Variants in ARFGEF3 observed in about 807,000 individuals in gnomAD.
The protein encoded by ARFGEF3 is ARFGEF family member 3, also known as brefeldin A-inhibited guanine nucleotide-exchange protein 3.
In ARFGEF3, 96 loss-of-function variants were observed where a neutral mutation model predicts 221.7. The observed-to-expected ratio is 0.43, with a 90% CI of 0.37 to 0.51. The LOEUF (loss-of-function observed/expected upper bound fraction) is 0.51, where lower values mean the gene tolerates loss of function less well. Among genes scored for constraint, ARFGEF3 ranks in the 20% least tolerant of loss-of-function variants. ARFGEF3 has a pLI of 0.00. For synonymous variants in ARFGEF3, 1,145 were observed against 1,126.8 expected (o/e 1.02, Z -0.32); for missense variants, 2,410 against 2,789.9 (o/e 0.86, Z 3.07).
chr6:138,277,771 T>C (rs1779124100), intron 12 of ARFGEF3, among the ~76,000 whole-genome samples: 1 of 152,216 alleles, frequency 6.6e-6, no homozygotes, highest in Non-Finnish European at 1.5e-5. Flanking sequence ...TAAACAAGTA[T>C]ATGTTAATAT....
chr6:138,212,589 C>T (rs1256054877), intron 4 of ARFGEF3, among the ~76,000 whole-genome samples: 14 of 152,218 alleles, frequency 9.2e-5, no homozygotes, highest in East Asian at 5.8e-4. Flanking sequence ...ATGTTTATTG[C>T]GGCACTATTC....
chr6:138,306,010 T>C (rs574587131), intron 22 of ARFGEF3, among the ~76,000 whole-genome samples: 3 of 152,224 alleles, frequency 2.0e-5, no homozygotes, highest in African/African-American at 7.2e-5. Flanking sequence ...TATAAAGAAA[T>C]TAAAGACATC....
rs76651861 is a variant in ARFGEF3, at chr6:138,332,436, G to A, written c.5124-1534G>A. On this transcript the variant is annotated intron_variant, in intron 32 of 33. Coordinates refer to ENST00000251691, the MANE Select transcript of ARFGEF3 (RefSeq NM_020340.5). ...ATAAGGTAGTGTCCTGTCCCTTGAG[G>A]ATGTTATAGCTATCAGGGGGACAGA... 6.8e-3 allele frequency among the ~76,000 whole-genome samples: 1,041 copies of A among 152,248 alleles called. 10 individuals carry two copies. Among genetic ancestry groups the A allele is most frequent in the African/African-American group, 0.024 (1,011 of 41,534 alleles).
intron 6 of ARFGEF3, among the ~76,000 whole-genome samples, chr6:138,239,640 ACT>A (rs1169205866): frequency 1.4e-5 from 2 of 146,834 alleles, no homozygotes; most frequent in African/African-American, 2.5e-5. Flanking sequence ...ACTGAGTGAA[ACT>A]CTGTCTCAGG....
rs974542134 is a variant in ARFGEF3, at chr6:138,217,802, G to A, written c.351+7761G>A. ...TAATAATCTATGAGTTCAAGATTGA[G>A]AAAGATCAACATGGGTTTGTATTTT... On this transcript the variant is annotated intron_variant, in intron 4 of 33. Coordinates refer to ENST00000251691, the MANE Select transcript of ARFGEF3 (RefSeq NM_020340.5). 10 of 840,096 alleles carry A rather than the reference G, an allele frequency of 1.2e-5. No homozygotes were observed. The African/African-American group carries it at 1.5e-4, about 13-fold the overall frequency. The allele number at this position is 840,096 out of a possible 1,614,324, so 52.0% of individuals were successfully genotyped here.
chr6:138,294,697 CAAAGT>C (rs1779475721), intron 20 of ARFGEF3, among the ~76,000 whole-genome samples: 1 of 152,180 alleles, frequency 6.6e-6, no homozygotes. Flanking sequence ...TTGTGGAAGA[CAAAGT>C]AGAGTTGTTC....
Position 138,266,359 on chromosome 6 carries a change from G to A in ARFGEF3, c.2128+2748G>A, listed in dbSNP as rs574798239. On this transcript the variant is annotated intron_variant, in intron 12 of 33. Coordinates refer to ENST00000251691, the MANE Select transcript of ARFGEF3 (RefSeq NM_020340.5). ...GGGAAGGCAGAAGGGAAGGGAAAAC[G>A]GAAGGGAAAAGGGAAAGGAGAAGGG... Among the ~76,000 whole-genome samples, 11 of 152,110 alleles carry A rather than the reference G, an allele frequency of 7.2e-5. No individual in the cohort carries two copies. In the East Asian group the frequency reaches 1.2e-3, roughly 16 times the overall value.
chr6:138,187,569 A>G (rs1777212631), intron 2 of ARFGEF3, among the ~76,000 whole-genome samples: 1 of 152,200 alleles, frequency 6.6e-6, no homozygotes, highest in Non-Finnish European at 1.5e-5. Context: ...TATTGGGTCC[A>G]TGTGTGTGCC....
At chr6:138,273,360 G>A (rs1322431286) in intron 12 of ARFGEF3, among the ~76,000 whole-genome samples, 1 of 152,214 alleles carries the variant, frequency 6.6e-6, no homozygotes, top group African/African-American at 2.4e-5. Context: ...TCCCTGGTAA[G>A]CAGTCAAGTA....
At chr6:138,229,584 T>A (rs2114532601) in intron 4 of ARFGEF3, among the ~76,000 whole-genome samples, 200 bp from the exon 5 acceptor site, 1 of 152,316 alleles carries the variant, frequency 6.6e-6, no homozygotes, top group Admixed American at 6.5e-5. Flanking sequence ...AGCCTTTATT[T>A]TTTACAGGAT....
intron 4 of ARFGEF3, chr6:138,217,315 A>G (rs1333383393): frequency 1.3e-5 from 2 of 152,218 alleles, no homozygotes; most frequent in African/African-American, 4.8e-5. Flanking sequence ...AGAATGGGAA[A>G]GTTCTCTGAT....
rs1165738353 is a variant in ARFGEF3, at chr6:138,337,289, G to A, written c.*803G>A. ...ACCAGCCACCCTGGCTGTTCTTGTG[G>A]TGTTTGTTTCCATCCCCAAGGCAAA... On this transcript the variant is annotated 3_prime_UTR_variant, in exon 34 of 34. Transcript: ENST00000251691. 2 of 152,658 alleles carry A rather than the reference G, an allele frequency of 1.3e-5. No individual in the cohort carries two copies. Among genetic ancestry groups the A allele is most frequent in the Non-Finnish European group, 2.9e-5 (2 of 68,044 alleles). 9.5% of individuals were successfully genotyped at this position (152,658 alleles called of 1,614,324 possible). A position where few individuals can be genotyped will look rare whatever the true frequency, so the allele number is the denominator to read the frequency against.
chr6:138,238,382 C>A, intron 5 of ARFGEF3, 127 bp from the exon 6 acceptor site: 4 of 856,370 alleles, frequency 4.7e-6, no homozygotes, highest in Non-Finnish European at 6.9e-6. Context: ...TTAGTAATAA[C>A]CAGTCCTAAA....
At chr6:138,190,300 G>C (rs1008184677) in intron 2 of ARFGEF3, among the ~76,000 whole-genome samples, 12 of 151,868 alleles carry the variant, frequency 7.9e-5, no homozygotes, top group Non-Finnish European at 1.5e-4. Flanking sequence ...GGGGGTGGAG[G>C]AAGCACTAAC....
Position 138,342,842 on chromosome 6 carries a change from C to T in ARFGEF3, c.*6356C>T, listed in dbSNP as rs1292663814. ...CTTCATCTTTCATTTAATTTTCTGGCGTAAATTAACATTTTAATTTCATAT... is the reference window on the plus strand; with the variant it reads ...CTTCATCTTTCATTTAATTTTCTGGTGTAAATTAACATTTTAATTTCATAT... On this transcript the variant is annotated 3_prime_UTR_variant, in exon 34 of 34. Transcript: ENST00000251691. 2.6e-5 allele frequency: 4 copies of T among 152,086 alleles called. No homozygotes were observed. Among genetic ancestry groups the T allele is most frequent in the Admixed American group, 6.6e-5 (1 of 15,260 alleles). The allele number at this position is 152,086 out of a possible 1,614,324, so 9.4% of individuals were successfully genotyped here. A position where few individuals can be genotyped will look rare whatever the true frequency, so the allele number is the denominator to read the frequency against.
chr6:138,280,397 G>A (rs1023844389), intron 14 of ARFGEF3, among the ~76,000 whole-genome samples: 1 of 152,146 alleles, frequency 6.6e-6, no homozygotes, highest in African/African-American at 2.4e-5. Context: ...ATTAGATGAG[G>A]ACTAACTTAG....
chr6:138,260,343 AT>A (rs1454930464), intron 10 of ARFGEF3, among the ~76,000 whole-genome samples: 2 of 152,344 alleles, frequency 1.3e-5, no homozygotes, highest in African/African-American at 4.8e-5. Context: ...TGCTTGGAGT[AT>A]CAATCACTTT....
chr6:138,287,074 G>T lies in ARFGEF3; in HGVS notation c.2786G>T (p.Gly929Val). The T allele has an allele frequency of 6.4e-7, 1 of 1,568,526 alleles. No homozygotes were observed. Among genetic ancestry groups the T allele is most frequent in the Non-Finnish European group, 8.6e-7 (1 of 1,156,286 alleles). Reference protein sequence around the residue: ...RKAARLSCALGVAANCASALA... With the variant: ...RKAARLSCALVVAANCASALA... The stretch of plus-strand genomic sequence containing the variant: ...AAGTCATTGTGTGTCTCCTCTGAAG[G>T]CGTTGCTGCTAACTGCGCCTCAGCC... Residue 929 changes from glycine to valine, a missense_variant and splice_region_variant, in exon 17 of 34, where the codon GGC (glycine) becomes GTC (valine). Physicochemically the swap from Gly to Val is moderately radical, Grantham distance 109 (BLOSUM62 -3). Coordinates refer to ENST00000251691, the MANE Select transcript of ARFGEF3 (RefSeq NM_020340.5).
chr6:138,257,558 TG>T (rs1206686415), intron 10 of ARFGEF3, among the ~76,000 whole-genome samples: 1 of 152,234 alleles, frequency 6.6e-6, no homozygotes, highest in African/African-American at 2.4e-5. Context: ...TCAAATGGTT[TG>T]CCCAAAGTCC....
Sources: gnomAD v4.1 joint callset for allele counts (sites outside exome capture counted in the v4.1 genomes callset) on GRCh38, gnomAD v4.1.1 for gene constraint, MANE v1.5 for transcripts, NCBI Gene and HGNC (gene_info 2026-07-23, HGNC 2026-07-21) for gene names.